ADAM23: variants seen among roughly 807,000 people sequenced by gnomAD.
The protein encoded by ADAM23 is disintegrin and metalloproteinase domain-containing protein 23.
A neutral mutation model predicts 120.1 loss-of-function variants in ADAM23; 33 were observed. That is an observed-to-expected ratio of 0.27 (90% CI 0.21 to 0.37). The LOEUF (loss-of-function observed/expected upper bound fraction) is 0.37, where lower values mean the gene tolerates loss of function less well. Ranked by LOEUF, ADAM23 falls within the 10% of genes least tolerant of loss-of-function variation. The pLI, the probability that ADAM23 is intolerant of heterozygous loss-of-function variation, is 1.00. For missense variants in ADAM23, 862 were observed against 1,058.2 expected (o/e 0.81, Z 2.57); for synonymous variants, 367 against 375.2 (o/e 0.98, Z 0.25).
chr2:206,486,260 A>T (rs1347048632), intron 3 of ADAM23, among the ~76,000 whole-genome samples: 1 of 151,602 alleles, frequency 6.6e-6, no homozygotes, highest in Non-Finnish European at 1.5e-5. Flanking sequence ...AATTTTGTTT[A>T]GTGTTTCCTC....
chr2:206,538,705 A>G (rs911331929), intron 4 of ADAM23, among the ~76,000 whole-genome samples: 1 of 152,132 alleles, frequency 6.6e-6, no homozygotes, highest in African/African-American at 2.4e-5. Context: ...CCAAATTAAA[A>G]CTATTGGTTC....
rs1699033191 is a variant in ADAM23 at position 206,620,450 on chromosome 2, T to A, written c.*2823T>A. Reference sequence around the variant, plus strand: ...TGGATTATAATTATTTTTGATGGTATTAGGTTATGTAGTTTCAAACTCTTT... The same window carrying A: ...TGGATTATAATTATTTTTGATGGTAATAGGTTATGTAGTTTCAAACTCTTT... On this transcript the variant is annotated 3_prime_UTR_variant, in exon 26 of 26. Coordinates refer to ENST00000264377, the MANE Select transcript of ADAM23 (RefSeq NM_003812.4). 6.6e-6 allele frequency: 1 copy of A among 152,206 alleles called. No individual in the cohort carries two copies. The highest frequency in any genetic ancestry group is 2.4e-5 in the African/African-American group (1 of 41,462). 9.4% of individuals were successfully genotyped at this position (152,206 alleles called of 1,614,324 possible).
At chr2:206,585,306 G>A (rs1698301168) in intron 18 of ADAM23, among the ~76,000 whole-genome samples, 1 of 152,174 alleles carries the variant, frequency 6.6e-6, no homozygotes, top group Admixed American at 6.5e-5. Flanking sequence ...ATGAGATAAT[G>A]ATTGCATTTT....
chr2:206,548,953 TA>T (rs1389884330), intron 8 of ADAM23, among the ~76,000 whole-genome samples: 3 of 152,130 alleles, frequency 2.0e-5, no homozygotes, highest in Non-Finnish European at 2.9e-5. Context: ...GATAAACGTA[TA>T]GGGGCTTTGT....
At chr2:206,512,089 T>TA (rs1299397074) in intron 3 of ADAM23, among the ~76,000 whole-genome samples, 2 of 152,170 alleles carry the variant, frequency 1.3e-5, no homozygotes, top group Admixed American at 1.3e-4. Flanking sequence ...TTCAATGACA[T>TA]ATGTGGTGAA....
At chr2:206,602,697 A>G (rs925939449) in intron 24 of ADAM23, among the ~76,000 whole-genome samples, 3 of 152,150 alleles carry the variant, frequency 2.0e-5, no homozygotes, top group African/African-American at 4.8e-5. Context: ...AAAACAGCAC[A>G]TTTTCAAAAT....
At chr2:206,556,525 A>G (rs1441086433) in intron 9 of ADAM23, among the ~76,000 whole-genome samples, 1 of 152,144 alleles carries the variant, frequency 6.6e-6, no homozygotes, top group Non-Finnish European at 1.5e-5. Flanking sequence ...GTGTTGTAGA[A>G]ATAATAACCT....
chr2:206,468,282 G>A (rs1446289246), intron 2 of ADAM23, among the ~76,000 whole-genome samples: 1 of 151,920 alleles, frequency 6.6e-6, no homozygotes, highest in African/African-American at 2.4e-5. Flanking sequence ...TTTATGTTCT[G>A]CCTCCCTTTT....
chr2:206,521,463 G>A (rs1220328153), intron 3 of ADAM23, among the ~76,000 whole-genome samples: 2 of 152,000 alleles, frequency 1.3e-5, no homozygotes, highest in East Asian at 3.9e-4. Flanking sequence ...AGCTTGTATT[G>A]TGGTTTCGTC....
chr2:206,540,493 G>A (rs1196005683), intron 4 of ADAM23, among the ~76,000 whole-genome samples: 2 of 152,040 alleles, frequency 1.3e-5, no homozygotes, highest in East Asian at 1.9e-4. Flanking sequence ...GTTTTCTCCC[G>A]ATAACCCACC....
intron 9 of ADAM23, among the ~76,000 whole-genome samples, chr2:206,553,619 AT>A (rs202175415): frequency 1.6e-4 from 24 of 150,772 alleles, no homozygotes; most frequent in African/African-American, 2.2e-4. Context: ...TTTTATAAGA[AT>A]TTTTTTTTTG....
intron 22 of ADAM23, among the ~76,000 whole-genome samples, chr2:206,594,088 T>C (rs1256367017): frequency 1.3e-5 from 2 of 151,892 alleles, no homozygotes; most frequent in African/African-American, 4.8e-5. Context: ...CCAGGAGCAA[T>C]AGACTAGACC....
intron 14 of ADAM23, among the ~76,000 whole-genome samples, chr2:206,566,418 A>C (rs1697882434): frequency 6.6e-6 from 1 of 152,138 alleles, no homozygotes; most frequent in Admixed American, 6.6e-5. Flanking sequence ...TCGCAAGTCA[A>C]GCACTGTTAT....
chr2:206,601,321 T>C (rs966527160), intron 24 of ADAM23, among the ~76,000 whole-genome samples: 1 of 152,212 alleles, frequency 6.6e-6, no homozygotes, highest in African/African-American at 2.4e-5. Context: ...GAAAAGGGCC[T>C]TAGAAAGAAT....
chr2:206,476,816 C>T (rs1187099210), intron 2 of ADAM23, among the ~76,000 whole-genome samples: 2 of 151,994 alleles, frequency 1.3e-5, no homozygotes, highest in African/African-American at 4.8e-5. Context: ...GAAATTCAGC[C>T]TTATGATATT....
intron 2 of ADAM23, among the ~76,000 whole-genome samples, chr2:206,466,808 C>T (rs1457282161): frequency 2.0e-5 from 3 of 152,200 alleles, no homozygotes; most frequent in Non-Finnish European, 2.9e-5. Flanking sequence ...GCGATGCCAG[C>T]TCCAAGGGGG....
intron 2 of ADAM23, among the ~76,000 whole-genome samples, chr2:206,469,732 C>T (rs1238146090): frequency 6.6e-6 from 1 of 152,180 alleles, no homozygotes; most frequent in Non-Finnish European, 1.5e-5. Context: ...ATTGCCTGCA[C>T]AACTCCTCTA....
rs569331404 is a variant in ADAM23, at chr2:206,532,674, T to A, written c.573+1726T>A. Reference sequence around the variant, plus strand: ...GCACACTATTTTATATCAAGATTTTTTAAATGTAGCAAAATTTTAAATATT... The same window carrying A: ...GCACACTATTTTATATCAAGATTTTATAAATGTAGCAAAATTTTAAATATT... On this transcript the variant is annotated intron_variant, in intron 4 of 25. Coordinates refer to ENST00000264377, the MANE Select transcript of ADAM23 (RefSeq NM_003812.4). Among the ~76,000 whole-genome samples the A allele has an allele frequency of 3.9e-5, 6 of 152,292 alleles. No homozygotes were observed. The South Asian group carries it at 1.2e-3, about 32-fold the overall frequency.
intron 3 of ADAM23, among the ~76,000 whole-genome samples, chr2:206,512,766 T>G (rs1430762980): frequency 6.6e-6 from 1 of 152,214 alleles, no homozygotes; most frequent in African/African-American, 2.4e-5. Context: ...GATATTGTGC[T>G]TCTAACAAGT....
Sources: gnomAD v4.1 joint callset for allele counts (sites outside exome capture counted in the v4.1 genomes callset) on GRCh38, gnomAD v4.1.1 for gene constraint, MANE v1.5 for transcripts, NCBI Gene and HGNC (gene_info 2026-07-23, HGNC 2026-07-21) for gene names.